Variants in INVS observed in about 807,000 individuals in gnomAD.
INVS encodes the protein inversin.
A neutral mutation model predicts 108.8 loss-of-function variants in INVS; 86 were observed. The ratio of observed to expected loss-of-function variants is 0.79; its 90% confidence interval spans 0.66 to 0.95. The LOEUF (loss-of-function observed/expected upper bound fraction) is 0.95, where lower values mean the gene tolerates loss of function less well. Among genes scored for constraint, INVS ranks in the 40% least tolerant of loss-of-function variants. The probability of loss-of-function intolerance (pLI) is 0.00; values close to 1 mark genes in which losing one functional copy is unlikely to be tolerated. For missense variants in INVS, 1,169 were observed against 1,297.4 expected (o/e 0.90, Z 1.52); for synonymous variants, 455 against 473.5 (o/e 0.96, Z 0.51).
At chr9:100,127,280 A>T (rs979100626) in intron 3 of INVS, among the ~76,000 whole-genome samples, 3 of 152,128 alleles carry the variant, frequency 2.0e-5, no homozygotes, top group African/African-American at 7.2e-5. Flanking sequence ...CATAAAATAA[A>T]TTTATTTTCT....
At chr9:100,236,829 A>T (rs1831701556) in intron 5 of INVS, among the ~76,000 whole-genome samples, 2 of 152,214 alleles carry the variant, frequency 1.3e-5, no homozygotes, top group Non-Finnish European at 2.9e-5. Flanking sequence ...GTGAGGAGGC[A>T]CAGGAGTCAG....
intron 3 of INVS, among the ~76,000 whole-genome samples, chr9:100,129,439 G>A (rs975748347): frequency 6.6e-6 from 1 of 152,000 alleles, no homozygotes; most frequent in Non-Finnish European, 1.5e-5. Flanking sequence ...TCTGCAGTGA[G>A]GAGAGATCAT....
chr9:100,107,617 A>G (rs536258281), intron 2 of INVS, among the ~76,000 whole-genome samples: 3 of 152,254 alleles, frequency 2.0e-5, no homozygotes, highest in East Asian at 1.9e-4. Context: ...ACTCTTAGTC[A>G]TCCTTGAGAT....
intron 3 of INVS, among the ~76,000 whole-genome samples, chr9:100,201,456 G>A (rs1222756733): frequency 6.6e-6 from 1 of 152,154 alleles, no homozygotes; most frequent in Non-Finnish European, 1.5e-5. Flanking sequence ...AAACATGATG[G>A]ACAATTGCTT....
At chr9:100,159,041 G>A (rs1382979818) in intron 3 of INVS, among the ~76,000 whole-genome samples, 1 of 152,102 alleles carries the variant, frequency 6.6e-6, no homozygotes, top group Non-Finnish European at 1.5e-5. Context: ...GCAGATACTG[G>A]CACCATGCAT....
chr9:100,191,370 T>C (rs1564151973), intron 3 of INVS, among the ~76,000 whole-genome samples: 1 of 152,320 alleles, frequency 6.6e-6, no homozygotes, highest in East Asian at 1.9e-4. Flanking sequence ...ACTTTATTCA[T>C]TTCTTTTAAT....
chr9:100,160,855 T>C (rs999193027), intron 3 of INVS, among the ~76,000 whole-genome samples: 4 of 148,848 alleles, frequency 2.7e-5, no homozygotes, highest in Non-Finnish European at 5.9e-5. Flanking sequence ...CTCAGGAGGC[T>C]GAGGCAGGAG....
intron 2 of INVS, chr9:100,117,536 A>G: frequency 9.4e-7 from 1 of 1,062,026 alleles, no homozygotes; most frequent in Non-Finnish European, 1.4e-6. Context: ...CCGGCCCCGG[A>G]TGCCACTGCG....
intron 16 of INVS, 80 bp from the exon 17 acceptor site, chr9:100,300,488 C>T: frequency 1.0e-6 from 1 of 992,676 alleles, no homozygotes; most frequent in South Asian, 1.3e-5. Flanking sequence ...CGAAATCCTT[C>T]TTCCTCAACA....
At position 100,301,133 on chromosome 9, in the gene INVS, AAC is replaced by A. The variant is rs1399257225; in HGVS notation, c.*460_*461del. 1.0e-5 allele frequency: 2 copies of A among 192,972 alleles called. No individual in the cohort carries two copies. The highest frequency in any genetic ancestry group is 6.2e-5 in the African/African-American group (2 of 32,404). The allele number at this position is 192,972 out of a possible 1,614,324, so 12.0% of individuals were successfully genotyped here. A position where few individuals can be genotyped will look rare whatever the true frequency, so the allele number is the denominator to read the frequency against. ...TACTTTCCTGGCATCTAATGCAACAAACTTATCACACACACACACACACACAC... is the reference window on the plus strand; with the variant it reads ...TACTTTCCTGGCATCTAATGCAACAATTATCACACACACACACACACACAC... On this transcript the variant is annotated 3_prime_UTR_variant, in exon 17 of 17. Transcript: ENST00000262457.
At chr9:100,198,918 T>G (rs1272487653) in intron 3 of INVS, among the ~76,000 whole-genome samples, 1 of 152,122 alleles carries the variant, frequency 6.6e-6, no homozygotes, top group Admixed American at 6.5e-5. Context: ...ATAATGTCCC[T>G]CAATTTGGGT....
chr9:100,136,912 C>T (rs1267791996), intron 3 of INVS, among the ~76,000 whole-genome samples: 6 of 152,082 alleles, frequency 3.9e-5, no homozygotes, highest in Admixed American at 6.5e-5. Context: ...TAGTGACACA[C>T]GCCTGTAATC....
intron 3 of INVS, among the ~76,000 whole-genome samples, chr9:100,194,101 G>T (rs757326898): frequency 2.6e-5 from 4 of 152,192 alleles, no homozygotes; most frequent in Non-Finnish European, 5.9e-5. Flanking sequence ...TAATGGCTGG[G>T]TCATATAGCA....
chr9:100,115,037 A>T (rs1442176744), intron 2 of INVS, among the ~76,000 whole-genome samples: 3 of 152,214 alleles, frequency 2.0e-5, no homozygotes, highest in Non-Finnish European at 2.9e-5. Context: ...TTGCATTTCT[A>T]CCAACAATGG....
At chr9:100,267,180 AT>A (rs1832823112) in intron 11 of INVS, among the ~76,000 whole-genome samples, 1 of 152,186 alleles carries the variant, frequency 6.6e-6, no homozygotes, top group African/African-American at 2.4e-5. Flanking sequence ...TTCCATTTAT[AT>A]GCTAAACCTT....
intron 3 of INVS, among the ~76,000 whole-genome samples, chr9:100,210,684 A>C (rs1247725936): frequency 6.6e-6 from 1 of 152,140 alleles, no homozygotes; most frequent in African/African-American, 2.4e-5. Flanking sequence ...TTTGCATTGC[A>C]TACAAGCGTA....
intron 10 of INVS, among the ~76,000 whole-genome samples, chr9:100,262,686 C>A (rs1832669062): frequency 7.0e-6 from 1 of 142,512 alleles, no homozygotes; most frequent in Non-Finnish European, 1.5e-5. Flanking sequence ...CCTCAAAGGA[C>A]TTATTTCTGT....
chr9:100,179,619 A>G (rs1829820351), intron 3 of INVS, among the ~76,000 whole-genome samples: 1 of 152,176 alleles, frequency 6.6e-6, no homozygotes, highest in African/African-American at 2.4e-5. Context: ...TGCACCCAAT[A>G]CAGAACCACC....
rs546523750 is a variant in INVS, at chr9:100,144,132, G to A, written c.273+17583G>A. ...CTGGGCTGCGGGCATTCCTTGTCCC[G>A]GTGGCCAGATGTCCGGCACTTGTAG... is the stretch of plus-strand genomic sequence containing the variant. On this transcript the variant is annotated intron_variant, in intron 3 of 16. Coordinates refer to ENST00000262457, the MANE Select transcript of INVS (RefSeq NM_014425.5). 9.2e-5 allele frequency among the ~76,000 whole-genome samples: 14 copies of A among 152,186 alleles called. No homozygotes were observed. The East Asian group carries it at 1.9e-3, about 21-fold the overall frequency.
Sources: gnomAD v4.1 joint callset for allele counts (sites outside exome capture counted in the v4.1 genomes callset) on GRCh38, gnomAD v4.1.1 for gene constraint, MANE v1.5 for transcripts, NCBI Gene and HGNC (gene_info 2026-07-23, HGNC 2026-07-21) for gene names.